CNTNAP2: variants seen among roughly 807,000 people sequenced by gnomAD.
CNTNAP2 encodes the protein contactin-associated protein-like 2.
Under a neutral mutation model 155.2 loss-of-function variants are expected in CNTNAP2, and 98 were observed. That is an observed-to-expected ratio of 0.63 (90% CI 0.54 to 0.75). The LOEUF (loss-of-function observed/expected upper bound fraction) is 0.75. Ranked by LOEUF, CNTNAP2 falls within the 30% of genes least tolerant of loss-of-function variation. The pLI is 0.00. For synonymous variants in CNTNAP2, 651 were observed against 631.2 expected (o/e 1.03, Z -0.47); for missense variants, 1,727 against 1,688.1 (o/e 1.02, Z -0.40).
chr7:147,925,154 AGAAGGAAGGAAGGAAG>A (rs144682428), intron 14 of CNTNAP2, among the ~76,000 whole-genome samples: 22 of 63,342 alleles, frequency 3.5e-4, no homozygotes, highest in South Asian at 1.7e-3. Context: ...AGAGAGAGAG[AGAAGGAAGGAAGGAAG>A]GAAGGAAGGA....
chr7:147,430,317 T>C (rs1328953246), intron 10 of CNTNAP2, among the ~76,000 whole-genome samples: 1 of 152,196 alleles, frequency 6.6e-6, no homozygotes, highest in Non-Finnish European at 1.5e-5. Context: ...ACCCAGTTAA[T>C]TGGCTTGATT....
At chr7:146,677,811 A>C (rs1393364684) in intron 1 of CNTNAP2, among the ~76,000 whole-genome samples, 1 of 152,024 alleles carries the variant, frequency 6.6e-6, no homozygotes, top group African/African-American at 2.4e-5. Flanking sequence ...CAGAAACAAG[A>C]GGATAAGGGG....
chr7:147,314,015 G>T (rs1052877407), intron 9 of CNTNAP2, among the ~76,000 whole-genome samples: 12 of 151,946 alleles, frequency 7.9e-5, no homozygotes, highest in Non-Finnish European at 1.2e-4. Flanking sequence ...ATTTTATTCT[G>T]TTTGAAGCAA....
At chr7:147,931,742 A>G (rs567771776) in intron 14 of CNTNAP2, among the ~76,000 whole-genome samples, 1 of 152,328 alleles carries the variant, frequency 6.6e-6, no homozygotes, top group East Asian at 1.9e-4. Context: ...ATTAAAGATG[A>G]AAATAAGTGG....
intron 18 of CNTNAP2, among the ~76,000 whole-genome samples, chr7:148,179,134 A>G (rs193278886): frequency 1.5e-3 from 223 of 152,302 alleles, no homozygotes; most frequent in Non-Finnish European, 2.7e-3. Context: ...GGAGCAATGT[A>G]TCCAGTCCTT....
chr7:147,373,245 G>A (rs1487067878), intron 9 of CNTNAP2, among the ~76,000 whole-genome samples: 5 of 151,970 alleles, frequency 3.3e-5, no homozygotes, highest in Non-Finnish European at 7.4e-5. Context: ...GATGGTGTTT[G>A]TAACCTAGAA....
intron 11 of CNTNAP2, among the ~76,000 whole-genome samples, chr7:147,520,885 T>C: frequency 6.6e-6 from 1 of 152,208 alleles, no homozygotes; most frequent in East Asian, 1.9e-4. Flanking sequence ...GTCAGTCACT[T>C]CATTTACCCC....
intron 8 of CNTNAP2, among the ~76,000 whole-genome samples, chr7:147,208,863 AAAT>A (rs1803076553): frequency 6.6e-6 from 1 of 152,028 alleles, no homozygotes; most frequent in African/African-American, 2.4e-5. Context: ...ACATTAAAGA[AAAT>A]AATAAACTTT....
At chr7:147,470,341 C>G (rs1382665340) in intron 10 of CNTNAP2, among the ~76,000 whole-genome samples, 3 of 148,344 alleles carry the variant, frequency 2.0e-5, no homozygotes, top group Admixed American at 6.7e-5. Flanking sequence ...GAGATGGTAG[C>G]TATGATCGTG....
rs1032665509 is a variant in CNTNAP2 at position 148,229,777 on chromosome 7, A to G, written c.3379A>G (p.Lys1127Glu). 3.1e-6 allele frequency: 5 copies of G among 1,613,974 alleles called. No individual in the cohort carries two copies. Among genetic ancestry groups the G allele is most frequent in the Admixed American group, 3.3e-5 (2 of 59,990 alleles). The change falls in exon 20 of 24, where the codon AAG becomes GAG. Residue 1127 changes from lysine (K) to glutamate (E), a missense_variant and splice_region_variant. Lys to Glu is a moderately conservative substitution (Grantham distance 56). Transcript: ENST00000361727. ...CCGCCACGAGAAGACCATCTTTCTC[A>G]AGGTATACATACATGTACATATAAA... ...ITRHEKTIFLKLDHYPSVSYH... is the reference protein window; with the variant it reads ...ITRHEKTIFLELDHYPSVSYH...
intron 16 of CNTNAP2, among the ~76,000 whole-genome samples, chr7:148,131,229 G>C (rs759525320): frequency 1.5e-4 from 22 of 151,436 alleles, no homozygotes; most frequent in Non-Finnish European, 2.7e-4. Flanking sequence ...CTCCCGAGTA[G>C]CTGGGACCAC....
At chr7:147,879,006 A>G (rs893519017) in intron 13 of CNTNAP2, among the ~76,000 whole-genome samples, 6 of 152,186 alleles carry the variant, frequency 3.9e-5, no homozygotes, top group African/African-American at 1.4e-4. Context: ...CTGTTGGTTT[A>G]TTACTAACCA....
intron 1 of CNTNAP2, among the ~76,000 whole-genome samples, chr7:146,429,451 T>C (rs919539810): frequency 6.6e-6 from 1 of 152,070 alleles, no homozygotes; most frequent in African/African-American, 2.4e-5. Context: ...CTTCCCTTGT[T>C]AGTTGTATTC....
At position 146,831,669 on chromosome 7, in the gene CNTNAP2, C is replaced by CAAAAAA. The variant is rs531970313; in HGVS notation, c.209-8018_209-8013dup. Among the ~76,000 whole-genome samples the CAAAAAA allele has an allele frequency of 9.5e-4, 16 of 16,804 alleles. 1 individual carries two copies. Among genetic ancestry groups the CAAAAAA allele is most frequent in the African/African-American group, 2.3e-3 (13 of 5,718 alleles). The allele number at this position is 16,804 out of a possible 152,430, so 11.0% of individuals were successfully genotyped here. A position where few individuals can be genotyped will look rare whatever the true frequency, so the allele number is the denominator to read the frequency against. On this transcript the variant is annotated intron_variant, in intron 2 of 23. Coordinates refer to ENST00000361727, the MANE Select transcript of CNTNAP2 (RefSeq NM_014141.6). ...CCAGCCTGGCGACAGAGCAAGACGC[C>CAAAAAA]AAAAAAAAAAAAAAAAAAAAAAAAA...
intron 13 of CNTNAP2, among the ~76,000 whole-genome samples, chr7:147,682,473 T>C (rs1795960684): frequency 6.6e-6 from 1 of 151,962 alleles, no homozygotes; most frequent in African/African-American, 2.4e-5. Flanking sequence ...TAGTGGAAAG[T>C]AGTTGTAACA....
chr7:148,287,788 T>TTTC (rs1412964671), intron 21 of CNTNAP2, among the ~76,000 whole-genome samples: 19 of 16,874 alleles, frequency 1.1e-3, no homozygotes, highest in South Asian at 7.7e-3. Flanking sequence ...TCTTTCTTTC[T>TTTC]TTTTTTCTTT....
intron 3 of CNTNAP2, among the ~76,000 whole-genome samples, chr7:146,910,484 C>A (rs1053061367): frequency 6.7e-6 from 1 of 149,904 alleles, no homozygotes; most frequent in Non-Finnish European, 1.5e-5. Context: ...AGAACAGAGC[C>A]CTCAGAAATA....
At chr7:146,673,682 C>G (rs2159461) in intron 1 of CNTNAP2, among the ~76,000 whole-genome samples, 123,108 of 152,178 alleles carry the variant, frequency 0.81, 50,405 homozygotes, top group South Asian at 0.91. Context: ...TCCGTTTTCT[C>G]TATGTAGCTT....
chr7:147,616,142 T>C (rs1801287203), intron 12 of CNTNAP2, among the ~76,000 whole-genome samples: 1 of 152,232 alleles, frequency 6.6e-6, no homozygotes, highest in Admixed American at 6.5e-5. Flanking sequence ...ATTTAAAGTC[T>C]ATTTTAAAAT....
Sources: gnomAD v4.1 joint callset for allele counts (sites outside exome capture counted in the v4.1 genomes callset) on GRCh38, gnomAD v4.1.1 for gene constraint, MANE v1.5 for transcripts, NCBI Gene and HGNC (gene_info 2026-07-23, HGNC 2026-07-21) for gene names.